Variants in NAV3 observed in about 807,000 individuals in gnomAD.
NAV3 encodes neuron navigator 3.
A neutral mutation model predicts 244.7 loss-of-function variants in NAV3; 87 were observed. The ratio of observed to expected loss-of-function variants is 0.36; its 90% CI spans 0.30 to 0.42. The LOEUF is 0.42. NAV3 is among the 20% of genes least tolerant of loss of function. The pLI is 1.00. For synonymous variants in NAV3, 1,126 were observed against 1,042.2 expected, an observed-to-expected ratio of 1.08 and a Z score of -1.55; for missense variants, 2,663 against 2,893.3, an observed-to-expected ratio of 0.92 and a Z score of 1.83.
chr12:77,919,771 A>G (rs942115731), intron 1 of NAV3, among the ~76,000 whole-genome samples: 1 of 151,828 alleles, frequency 6.6e-6, no homozygotes, highest in African/African-American at 2.4e-5. Flanking sequence ...TGGCAATTAT[A>G]CTCCCTTTGC....
At chr12:77,741,538 A>G (rs10859297) in intron 2 of NAV3, among the ~76,000 whole-genome samples, 67,402 of 151,950 alleles carry the variant, frequency 0.44, 16,044 homozygotes, top group East Asian at 0.82. Flanking sequence ...CCAGTATTCT[A>G]TGCCCCTACT....
At chr12:78,105,022 T>C (rs1326432938) in intron 12 of NAV3, among the ~76,000 whole-genome samples, 5 of 152,134 alleles carry the variant, frequency 3.3e-5, no homozygotes, top group Non-Finnish European at 7.4e-5. Context: ...TTCCTAGAAA[T>C]GGTATCACTA....
intron 2 of NAV3, among the ~76,000 whole-genome samples, chr12:77,639,437 T>C (rs1426030174): frequency 6.6e-6 from 1 of 152,152 alleles, no homozygotes; most frequent in Non-Finnish European, 1.5e-5. Context: ...ATCTGAGACA[T>C]TATATACTCA....
At chr12:77,892,261 T>C (rs1446986073) in intron 1 of NAV3, among the ~76,000 whole-genome samples, 2 of 152,160 alleles carry the variant, frequency 1.3e-5, no homozygotes, top group Non-Finnish European at 2.9e-5. Context: ...ATGATATAGT[T>C]GTAATCATTG....
intron 2 of NAV3, among the ~76,000 whole-genome samples, chr12:77,704,399 C>T (rs1055611231): frequency 6.6e-6 from 1 of 152,130 alleles, no homozygotes; most frequent in African/African-American, 2.4e-5. Flanking sequence ...TTTTGAAGAA[C>T]AAATGAAAGC....
At chr12:77,648,471 T>A (rs1203559420) in intron 2 of NAV3, among the ~76,000 whole-genome samples, 2 of 152,102 alleles carry the variant, frequency 1.3e-5, no homozygotes, top group Admixed American at 1.3e-4. Context: ...TTACAGAGTC[T>A]TAGAATAAAT....
At chr12:77,885,121 AT>A (rs1324486790) in intron 1 of NAV3, among the ~76,000 whole-genome samples, 1 of 152,032 alleles carries the variant, frequency 6.6e-6, no homozygotes, top group Non-Finnish European at 1.5e-5. Flanking sequence ...CAGTCTCATC[AT>A]TTTTTAATCA....
intron 2 of NAV3, among the ~76,000 whole-genome samples, chr12:77,623,214 ATTTTT>A (rs956391637): frequency 2.0e-5 from 3 of 152,174 alleles, no homozygotes; most frequent in African/African-American, 7.2e-5. Context: ...AAAAAAATTG[ATTTTT>A]TATATTAAAA....
intron 2 of NAV3, among the ~76,000 whole-genome samples, chr12:77,639,135 C>T (rs954839418): frequency 6.6e-6 from 1 of 152,130 alleles, no homozygotes; most frequent in African/African-American, 2.4e-5. Context: ...GGTAGCTGGA[C>T]TATCTCCATT....
intron 1 of NAV3, among the ~76,000 whole-genome samples, chr12:77,845,140 T>G (rs1428045667): frequency 1.3e-5 from 2 of 152,200 alleles, no homozygotes; most frequent in African/African-American, 2.4e-5. Context: ...TGTGTATATA[T>G]ATATATGATA....
chr12:77,665,813 C>T (rs1873687724), intron 2 of NAV3, among the ~76,000 whole-genome samples: 3 of 152,200 alleles, frequency 2.0e-5, no homozygotes, highest in Admixed American at 2.0e-4. Flanking sequence ...GAATTTATAG[C>T]TGCTGATCCT....
At chr12:77,618,104 A>G (rs1008496866) in intron 2 of NAV3, among the ~76,000 whole-genome samples, 15 of 152,190 alleles carry the variant, frequency 9.9e-5, no homozygotes, top group Admixed American at 6.5e-5. Flanking sequence ...TTTCACTCCT[A>G]TCTAGATCAG....
chr12:78,046,472 C>G (rs1566057545), intron 9 of NAV3, among the ~76,000 whole-genome samples: 1 of 152,084 alleles, frequency 6.6e-6, no homozygotes, highest in Admixed American at 6.5e-5. Flanking sequence ...TGATTTCTGC[C>G]TTAATTTCCT....
At chr12:77,870,654 A>G (rs1880814551) in intron 1 of NAV3, among the ~76,000 whole-genome samples, 1 of 152,174 alleles carries the variant, frequency 6.6e-6, no homozygotes, top group African/African-American at 2.4e-5. Context: ...CACTGGGGAA[A>G]GAAAAGGAAG....
intron 35 of NAV3, among the ~76,000 whole-genome samples, chr12:78,197,616 C>T (rs1959196084): frequency 6.6e-6 from 1 of 151,812 alleles, no homozygotes; most frequent in African/African-American, 2.4e-5. Flanking sequence ...AACATGTGAA[C>T]TACCTCAGTA....
chr12:77,903,737 C>T (rs1394316898), intron 1 of NAV3, among the ~76,000 whole-genome samples: 4 of 152,094 alleles, frequency 2.6e-5, no homozygotes, highest in South Asian at 4.1e-4. Flanking sequence ...ATTTTTGCAA[C>T]CTACTCATCT....
chr12:78,040,311 A>G (rs1325407712), intron 9 of NAV3, among the ~76,000 whole-genome samples: 1 of 152,168 alleles, frequency 6.6e-6, no homozygotes, highest in Non-Finnish European at 1.5e-5. Flanking sequence ...TTTGTCTGTC[A>G]TGAGGAGGGC....
chr12:77,629,125 C>G (rs1871772706), intron 2 of NAV3, among the ~76,000 whole-genome samples: 1 of 152,056 alleles, frequency 6.6e-6, no homozygotes, highest in Non-Finnish European at 1.5e-5. Context: ...TACTTCATAA[C>G]AATTTATCCT....
Position 78,021,831 on chromosome 12 carries a change from G to A in NAV3, c.1992G>A (p.Lys664=). The part of the protein sequence containing the change: ...SPTKMDLSYS[K]TAKQCLEEIS... ...CAAAGATGGACTTATCATATAGTAA[G>A]ACTGCTAAGCAGTGCCTGGAGGAGA... The change falls in exon 9 of 40, where the codon AAG becomes AAA. Residue 664 remains lysine, a synonymous_variant. Coordinates refer to ENST00000397909, the MANE Select transcript of NAV3 (RefSeq NM_001024383.2). 2 of 1,610,670 alleles carry A rather than the reference G, an allele frequency of 1.2e-6. No homozygotes were observed. Among genetic ancestry groups the A allele is most frequent in the Non-Finnish European group, 1.7e-6 (2 of 1,178,244 alleles).
Sources: allele counts gnomAD v4.1 joint callset (sites outside exome capture counted in the v4.1 genomes callset), GRCh38; gene constraint gnomAD v4.1.1; transcripts MANE v1.5; gene names NCBI Gene and HGNC (gene_info 2026-07-23, HGNC 2026-07-21).